ELMOD1: variants seen among roughly 807,000 people sequenced by gnomAD.
The protein encoded by ELMOD1 is ELMO domain-containing protein 1.
A neutral mutation model predicts 46.7 loss-of-function variants in ELMOD1; 21 were observed. The ratio of observed to expected loss-of-function variants is 0.45; its 90% CI spans 0.32 to 0.65. The LOEUF (loss-of-function observed/expected upper bound fraction) is 0.65, where lower values mean the gene tolerates loss of function less well. Among genes scored for constraint, ELMOD1 ranks in the 30% least tolerant of loss-of-function variants. The pLI is 0.04. For synonymous variants in ELMOD1, 122 were observed against 138.2 expected, an observed-to-expected ratio of 0.88 and a Z score of 0.82; for missense variants, 348 against 407.8, an observed-to-expected ratio of 0.85 and a Z score of 1.26.
At chr11:107,619,652 A>G (rs187688960) in intron 2 of ELMOD1, among the ~76,000 whole-genome samples, 49 of 152,322 alleles carry the variant, frequency 3.2e-4, no homozygotes, top group African/African-American at 1.2e-3. Flanking sequence ...TAATTTTAGG[A>G]AAAATAGTAG....
chr11:107,648,481 TCA>T (rs1254572085), intron 7 of ELMOD1, among the ~76,000 whole-genome samples: 1 of 152,222 alleles, frequency 6.6e-6, no homozygotes, highest in Non-Finnish European at 1.5e-5. Context: ...CTGCAACGAA[TCA>T]GAGGGATCCC....
At chr11:107,614,761 C>T (rs987378903) in intron 1 of ELMOD1, among the ~76,000 whole-genome samples, 7 of 152,198 alleles carry the variant, frequency 4.6e-5, no homozygotes, top group South Asian at 2.1e-4. Context: ...CCTGCTTGAT[C>T]TGACCCTTAC....
intron 1 of ELMOD1, among the ~76,000 whole-genome samples, chr11:107,613,913 C>T (rs1443872772): frequency 6.6e-6 from 1 of 152,174 alleles, no homozygotes; most frequent in African/African-American, 2.4e-5. Flanking sequence ...ATCTTTGTTT[C>T]CAACCTGTGT....
chr11:107,601,416 C>CTTTTT (rs56341702), intron 1 of ELMOD1, among the ~76,000 whole-genome samples: 2 of 122,120 alleles, frequency 1.6e-5, no homozygotes, highest in African/African-American at 3.0e-5. Flanking sequence ...TTAATTTTTT[C>CTTTTT]TTTTTTTTTT....
intron 7 of ELMOD1, among the ~76,000 whole-genome samples, chr11:107,648,101 G>A (rs1340742206): frequency 1.3e-5 from 2 of 152,012 alleles, no homozygotes; most frequent in Non-Finnish European, 2.9e-5. Flanking sequence ...TGATTCCTTG[G>A]CGTCATCTTT....
chr11:107,634,327 A>G (rs905605082), intron 5 of ELMOD1, among the ~76,000 whole-genome samples: 2 of 152,212 alleles, frequency 1.3e-5, no homozygotes, highest in African/African-American at 4.8e-5. Flanking sequence ...CAGTCACAGA[A>G]AGTAATGATC....
intron 1 of ELMOD1, among the ~76,000 whole-genome samples, chr11:107,616,225 G>T (rs1429546006): frequency 1.3e-5 from 2 of 151,776 alleles, no homozygotes. Context: ...CAAACTGCTG[G>T]CCTCAAGTGA....
chr11:107,614,262 A>T (rs1375282168), intron 1 of ELMOD1, among the ~76,000 whole-genome samples: 2 of 152,198 alleles, frequency 1.3e-5, no homozygotes, highest in African/African-American at 4.8e-5. Context: ...AAGTCTGTAG[A>T]TGGTATCCTA....
intron 5 of ELMOD1, among the ~76,000 whole-genome samples, chr11:107,634,641 T>C (rs1291617734): frequency 6.6e-6 from 1 of 152,094 alleles, no homozygotes; most frequent in African/African-American, 2.4e-5. Context: ...TTCGGGAGGC[T>C]AGGGCAGGAG....
At chr11:107,622,628 T>C (rs1229262876) in intron 2 of ELMOD1, among the ~76,000 whole-genome samples, 1 of 152,220 alleles carries the variant, frequency 6.6e-6, no homozygotes, top group East Asian at 1.9e-4. Flanking sequence ...CGGGCTAGAC[T>C]CCAAGTCTGA....
rs1866136860 is a variant in ELMOD1 at position 107,631,404 on chromosome 11, C to CA, written c.193-176_193-175insA. Among the ~76,000 whole-genome samples, 3 of 147,460 alleles carry CA rather than the reference C, an allele frequency of 2.0e-5. No individual in the cohort carries two copies. The South Asian group carries it at 6.8e-4, about 33-fold the overall frequency. On this transcript the variant is annotated intron_variant, in intron 4 of 11. Transcript: ENST00000265840. ...TATCAGGAAAATTGCACTACCCCCC[C>CA]CCCCATCGTGAAAATGTCAAATTTA...
chr11:107,631,074 A>C (rs1157192801), intron 4 of ELMOD1, among the ~76,000 whole-genome samples: 2 of 152,164 alleles, frequency 1.3e-5, no homozygotes, highest in African/African-American at 4.8e-5. Context: ...ATTATACTTA[A>C]GATTTTTCAA....
chr11:107,622,315 T>TG (rs1201728026), intron 2 of ELMOD1, among the ~76,000 whole-genome samples: 1 of 152,138 alleles, frequency 6.6e-6, no homozygotes, highest in Admixed American at 6.6e-5. Context: ...GTTTGTTAGA[T>TG]GTAGACCCTG....
At chr11:107,621,686 T>C (rs7925970) in intron 2 of ELMOD1, among the ~76,000 whole-genome samples, 27,036 of 150,122 alleles carry the variant, frequency 0.18, 3,009 homozygotes, top group African/African-American at 0.28. Context: ...TGTGTCACAT[T>C]ACCCCATTAC....
Position 107,600,437 on chromosome 11 carries a change from ACGT to A in ELMOD1, c.-86+9030_-86+9032del, listed in dbSNP as rs1220999965. The A allele has an allele frequency of 2.0e-5, 3 of 152,180 alleles. No individual in the cohort carries two copies. In the East Asian group the frequency reaches 5.8e-4, roughly 29 times the overall value. 9.4% of individuals were successfully genotyped at this position (152,180 alleles called of 1,614,324 possible). A position where few individuals can be genotyped will look rare whatever the true frequency, so the allele number is the denominator to read the frequency against. The stretch of plus-strand genomic sequence containing the variant: ...TTTATGAAATGTGTATGATGCTAAC[ACGT>A]CATATCACAGTTCTGCAACAATATC... On this transcript the variant is annotated intron_variant, in intron 1 of 11. Transcript: ENST00000265840.
At chr11:107,639,082 C>CA (rs1178644414) in intron 6 of ELMOD1, among the ~76,000 whole-genome samples, 3 of 152,118 alleles carry the variant, frequency 2.0e-5, no homozygotes, top group African/African-American at 4.8e-5. Flanking sequence ...CCCAGGAAGT[C>CA]AAGGCTACAG....
At chr11:107,642,970 CT>C in intron 6 of ELMOD1, 1 of 300,048 alleles carries the variant, frequency 3.3e-6, no homozygotes, top group South Asian at 3.5e-5. Context: ...ATCAAATTTT[CT>C]TTTATCACAA....
At position 107,644,933 on chromosome 11, in the gene ELMOD1, T is replaced by G. The variant is rs554786874; in HGVS notation, c.421-2535T>G. 6.0e-5 allele frequency among the ~76,000 whole-genome samples: 9 copies of G among 149,962 alleles called. No homozygotes were observed. In the South Asian group the frequency reaches 1.9e-3, roughly 31 times the overall value. On this transcript the variant is annotated intron_variant, in intron 6 of 11. Transcript: ENST00000265840. Reference sequence around the variant, plus strand: ...GTTTTTGTTTTTGTTTTTGTTTTTGTTTTTGTTTTTGATAGACTCTCACTC... The same window carrying G: ...GTTTTTGTTTTTGTTTTTGTTTTTGGTTTTGTTTTTGATAGACTCTCACTC...
rs541243910 is a variant in ELMOD1, at chr11:107,631,401, C to G, written c.193-179C>G. Among the ~76,000 whole-genome samples the G allele has an allele frequency of 2.8e-4, 19 of 68,490 alleles. No individual in the cohort carries two copies. The South Asian group carries it at 8.5e-3, about 31-fold the overall frequency. The allele number at this position is 68,490 out of a possible 152,430, so 44.9% of individuals were successfully genotyped here. A position where few individuals can be genotyped will look rare whatever the true frequency, so the allele number is the denominator to read the frequency against. ...AGTTATCAGGAAAATTGCACTACCC[C>G]CCCCCCCATCGTGAAAATGTCAAAT... On this transcript the variant is annotated intron_variant, in intron 4 of 11. Coordinates refer to ENST00000265840, the MANE Select transcript of ELMOD1 (RefSeq NM_018712.4).
Sources: gnomAD v4.1 joint callset for allele counts (sites outside exome capture counted in the v4.1 genomes callset) on GRCh38, gnomAD v4.1.1 for gene constraint, MANE v1.5 for transcripts, NCBI Gene and HGNC (gene_info 2026-07-23, HGNC 2026-07-21) for gene names.